The following WDR64 variants were observed in gnomAD, a reference collection of about 807,000 sequenced individuals.
The protein encoded by WDR64 is WD repeat domain 64, also known as WD repeat-containing protein 64.
A neutral mutation model predicts 139.3 loss-of-function variants in WDR64; 112 were observed. The observed-to-expected ratio is 0.80, with a 90% CI of 0.69 to 0.94. The LOEUF (loss-of-function observed/expected upper bound fraction) is 0.94. Among genes scored for constraint, WDR64 ranks in the 40% least tolerant of loss-of-function variants. The pLI is 0.00. For missense variants in WDR64, 1,206 were observed against 1,293.1 expected (o/e 0.93, Z 1.03); for synonymous variants, 444 against 437.7 (o/e 1.01, Z -0.18).
chr1:241,742,842 G>A (rs1217709759), intron 12 of WDR64, among the ~76,000 whole-genome samples: 3 of 152,198 alleles, frequency 2.0e-5, no homozygotes, highest in Non-Finnish European at 4.4e-5. Flanking sequence ...CTAGAGGCCA[G>A]GGGTCCTGGC....
At chr1:241,776,203 C>T (rs908897350) in intron 21 of WDR64, among the ~76,000 whole-genome samples, 62 of 152,030 alleles carry the variant, frequency 4.1e-4, no homozygotes, top group Admixed American at 3.7e-3. Context: ...CTCAGCCTCC[C>T]GAGTAGCTGG....
At chr1:241,737,582 A>T (rs1669377760) in intron 10 of WDR64, among the ~76,000 whole-genome samples, 1 of 152,218 alleles carries the variant, frequency 6.6e-6, no homozygotes, top group African/African-American at 2.4e-5. Context: ...CAGCTTCTAC[A>T]ACTGAAGAAA....
intron 15 of WDR64, among the ~76,000 whole-genome samples, chr1:241,761,376 C>A (rs1170687852): frequency 6.6e-6 from 1 of 151,766 alleles, no homozygotes; most frequent in Non-Finnish European, 1.5e-5. Flanking sequence ...CCAAACTTAC[C>A]CTTCTTGTTA....
rs1030064143 is a variant in WDR64, at chr1:241,802,654, T to C, written c.*1439T>C. On this transcript the variant is annotated 3_prime_UTR_variant, in exon 28 of 28. Coordinates refer to ENST00000437684, the MANE Select transcript of WDR64 (RefSeq NM_001367482.1). ...TTTGAAATGAATCAAAAAAATAAGA[T>C]GAACTAATGGATAGAGGGATGGACT... Among the ~76,000 whole-genome samples the C allele has an allele frequency of 2.6e-5, 4 of 152,146 alleles. No homozygotes were observed. The highest frequency in any genetic ancestry group is 9.7e-5 in the African/African-American group (4 of 41,440).
intron 8 of WDR64, among the ~76,000 whole-genome samples, chr1:241,702,923 T>C (rs972977922): frequency 3.3e-5 from 5 of 152,186 alleles, no homozygotes; most frequent in African/African-American, 1.2e-4. Context: ...ATATTTGTTA[T>C]CTTATTCTTT....
At chr1:241,654,786 G>T (rs979731388) in intron 1 of WDR64, among the ~76,000 whole-genome samples, 11 of 152,150 alleles carry the variant, frequency 7.2e-5, no homozygotes, top group Non-Finnish European at 1.6e-4. Flanking sequence ...GCTTTCTGAT[G>T]ATTCAATGCA....
At chr1:241,699,165 G>A (rs1201291084) in intron 8 of WDR64, among the ~76,000 whole-genome samples, 2 of 151,922 alleles carry the variant, frequency 1.3e-5, no homozygotes, top group African/African-American at 2.4e-5. Context: ...ATTTGGGTGG[G>A]GACACAGCCA....
chr1:241,714,685 T>C (rs1668332918), intron 9 of WDR64, among the ~76,000 whole-genome samples: 1 of 152,224 alleles, frequency 6.6e-6, no homozygotes, highest in South Asian at 2.1e-4. Context: ...AATTAGCTTA[T>C]GGTTCCAACA....
intron 14 of WDR64, 151 bp from the exon 15 acceptor site, chr1:241,757,132 T>A (rs1055020070): frequency 1.6e-6 from 1 of 624,504 alleles, no homozygotes; most frequent in African/African-American, 1.9e-5. Context: ...AAAGAGGAAT[T>A]ATATTAATAA....
chr1:241,719,184 T>C (rs1177329656), intron 9 of WDR64, among the ~76,000 whole-genome samples: 1 of 152,208 alleles, frequency 6.6e-6, no homozygotes, highest in Non-Finnish European at 1.5e-5. Flanking sequence ...TTTTTTTGTT[T>C]GAATACATGT....
intron 15 of WDR64, among the ~76,000 whole-genome samples, chr1:241,764,826 AAAG>A (rs1658083758): frequency 6.6e-6 from 1 of 152,222 alleles, no homozygotes; most frequent in Middle Eastern, 3.2e-3. Flanking sequence ...GAAAGGAAGG[AAAG>A]AAGGACAGTT....
chr1:241,753,631 A>G (rs1239686059), intron 14 of WDR64, among the ~76,000 whole-genome samples: 1 of 152,098 alleles, frequency 6.6e-6, no homozygotes, highest in African/African-American at 2.4e-5. Flanking sequence ...CTGAGCCTGG[A>G]AGGCAGAGAT....
In WDR64 at chr1:241,756,824, G is replaced by A. The variant is rs187352071; in HGVS notation, c.1771-459G>A. 4.9e-3 allele frequency among the ~76,000 whole-genome samples: 739 copies of A among 152,276 alleles called. 5 individuals carry two copies. The highest frequency in any genetic ancestry group is 0.017 in the African/African-American group (706 of 41,560). On this transcript the variant is annotated intron_variant, in intron 14 of 27. Coordinates refer to ENST00000437684, the MANE Select transcript of WDR64 (RefSeq NM_001367482.1). ...TACCAAATTGGCATCCTGAACATCCGTCAGTAGGGGAATGGACAAATAAAT... is the reference window on the plus strand; with the variant it reads ...TACCAAATTGGCATCCTGAACATCCATCAGTAGGGGAATGGACAAATAAAT...
intron 14 of WDR64, among the ~76,000 whole-genome samples, chr1:241,752,752 G>A (rs1670026126): frequency 6.6e-6 from 1 of 152,174 alleles, no homozygotes; most frequent in African/African-American, 2.4e-5. Context: ...TTGGGGAGCT[G>A]AGGTGGGAGA....
At chr1:241,674,017 G>T (rs538747242) in intron 3 of WDR64, among the ~76,000 whole-genome samples, 1 of 152,000 alleles carries the variant, frequency 6.6e-6, no homozygotes, top group Non-Finnish European at 1.5e-5. Context: ...TTTAGAAAAC[G>T]TGTTCTCTGT....
chr1:241,741,967 T>A (rs1669564360), intron 12 of WDR64, among the ~76,000 whole-genome samples: 2 of 152,172 alleles, frequency 1.3e-5, no homozygotes, highest in Non-Finnish European at 2.9e-5. Context: ...TTGATTTTTT[T>A]AAAGGAGTAC....
At chr1:241,733,170 C>T (rs142083445) in intron 10 of WDR64, among the ~76,000 whole-genome samples, 4 of 152,162 alleles carry the variant, frequency 2.6e-5, no homozygotes, top group African/African-American at 7.2e-5. Flanking sequence ...ACTCCATTCC[C>T]AATTTATCTG....
intron 10 of WDR64, among the ~76,000 whole-genome samples, chr1:241,735,959 T>G (rs1456919965): frequency 6.6e-6 from 1 of 150,922 alleles, no homozygotes; most frequent in Non-Finnish European, 1.5e-5. Context: ...TCAGAAATAG[T>G]TCTCGTCCCT....
At chr1:241,716,448 C>T (rs933447966) in intron 9 of WDR64, among the ~76,000 whole-genome samples, 3 of 152,016 alleles carry the variant, frequency 2.0e-5, no homozygotes, top group Non-Finnish European at 2.9e-5. Flanking sequence ...AGTAGGAACA[C>T]AATTACCTCC....
Sources: gnomAD v4.1 joint callset for allele counts (sites outside exome capture counted in the v4.1 genomes callset) on GRCh38, gnomAD v4.1.1 for gene constraint, MANE v1.5 for transcripts, NCBI Gene and HGNC (gene_info 2026-07-23, HGNC 2026-07-21) for gene names.